Variants in CCDC136 observed in about 807,000 individuals in gnomAD.
The protein encoded by CCDC136 is coiled-coil domain containing 136.
In CCDC136, 100 loss-of-function variants were observed where a neutral mutation model predicts 141.2. The observed-to-expected ratio is 0.71, with a 90% CI of 0.60 to 0.84. CCDC136 has a LOEUF of 0.84. Among genes scored for constraint, CCDC136 ranks in the 40% least tolerant of loss-of-function variants. CCDC136 has a pLI of 0.00. For synonymous variants in CCDC136, 474 were observed against 531.9 expected (o/e 0.89, Z 1.50); for missense variants, 1,206 against 1,379.4 (o/e 0.87, Z 1.99).
In CCDC136 at chr7:128,822,006, A is replaced by G. The variant is rs772943933; in HGVS notation, c.*213A>G. 1.8e-5 allele frequency: 22 copies of G among 1,252,626 alleles called. No individual in the cohort carries two copies. The highest frequency in any genetic ancestry group is 3.9e-5 in the South Asian group (3 of 76,008). 77.6% of individuals were successfully genotyped at this position (1,252,626 alleles called of 1,614,324 possible). A position where few individuals can be genotyped will look rare whatever the true frequency, so the allele number is the denominator to read the frequency against. On this transcript the variant is annotated 3_prime_UTR_variant, in exon 18 of 18. Transcript: ENST00000297788. The stretch of plus-strand genomic sequence containing the variant: ...TGCCAGAACCCTCCCCATATGTTCC[A>G]TGTGTCCCCATCTCCTCAGCCTCAG...
intron 3 of CCDC136, among the ~76,000 whole-genome samples, chr7:128,798,042 C>T (rs111696074): frequency 6.8e-6 from 1 of 147,852 alleles, no homozygotes; most frequent in African/African-American, 2.5e-5. Flanking sequence ...CTCAGCCTCC[C>T]GAGTAGCTGA....
Position 128,805,703 on chromosome 7 carries a change from C to G in CCDC136, c.949-58C>G, listed in dbSNP as rs1287034364. ...GCGCCATGCTTTCCCCAAGCTTGTT[C>G]TTGGAGCATATGTGGTATCTGTAGT... On this transcript the variant is annotated intron_variant, in intron 6 of 17. Coordinates refer to ENST00000297788, the MANE Select transcript of CCDC136 (RefSeq NM_022742.5). The surrounding 1 kb of genome is among the most constrained non-coding windows in gnomAD (Gnocchi z 4.6). 1.9e-6 allele frequency: 3 copies of G among 1,599,600 alleles called. No homozygotes were observed. The highest frequency in any genetic ancestry group is 2.7e-5 in the African/African-American group (2 of 74,714).
intron 10 of CCDC136, 46 bp downstream of exon 10, chr7:128,807,591 G>C: frequency 1.5e-6 from 2 of 1,291,884 alleles, no homozygotes; most frequent in Non-Finnish European, 2.0e-6. Flanking sequence ...ACTTGCTCCA[G>C]AGAGAAGAGG....
chr7:128,800,036 A>G (rs757587365), intron 3 of CCDC136, among the ~76,000 whole-genome samples: 34 of 152,242 alleles, frequency 2.2e-4, no homozygotes, highest in Non-Finnish European at 4.1e-4. Context: ...ACCACATGTT[A>G]TCCCATACCT....
At chr7:128,801,159 G>A in intron 3 of CCDC136, 27 bp from the exon 4 acceptor site, 1 of 1,572,978 alleles carries the variant, frequency 6.4e-7, no homozygotes, top group Non-Finnish European at 8.7e-7. Context: ...CTGCCCTCTT[G>A]ATCATCTCAA....
chr7:128,809,617 A>T lies in CCDC136; in HGVS notation c.1773A>T (p.Pro591=), dbSNP rs571391351. The change falls in exon 11 of 18, where the codon CCA becomes CCT. Residue 591 remains proline (P), a synonymous_variant. Coordinates refer to ENST00000297788, the MANE Select transcript of CCDC136 (RefSeq NM_022742.5). ...AAGAGCTGCACAGGCTCACACTGCCACTGCCAAAGAGTGGCCTCTTACTCA... is the reference window on the plus strand; with the variant it reads ...AAGAGCTGCACAGGCTCACACTGCCTCTGCCAAAGAGTGGCCTCTTACTCA... The part of the protein sequence containing the change: ...LQEELHRLTL[P]LPKSGLLLKS... The T allele has an allele frequency of 3.2e-6, 5 of 1,549,578 alleles. No homozygotes were observed. The South Asian group carries it at 6.0e-5, about 19-fold the overall frequency.
At chr7:128,818,675 C>T (rs1337014951) in intron 17 of CCDC136, among the ~76,000 whole-genome samples, 2 of 152,182 alleles carry the variant, frequency 1.3e-5, no homozygotes, top group African/African-American at 4.8e-5. Context: ...GAAATCAAGA[C>T]TGATATATTC....
chr7:128,812,333 G>T (rs767348098), intron 13 of CCDC136, 21 bp downstream of exon 13: 3 of 1,602,584 alleles, frequency 1.9e-6, no homozygotes, highest in Non-Finnish European at 2.6e-6. Context: ...CCAGGTGACA[G>T]GTCAGGCAGG....
chr7:128,799,381 G>C (rs1005597441), intron 3 of CCDC136, among the ~76,000 whole-genome samples: 1 of 151,814 alleles, frequency 6.6e-6, no homozygotes, highest in African/African-American at 2.4e-5. Context: ...CAAATGTTTA[G>C]TTCTGTACAC....
At chr7:128,795,855 G>A (rs1468064197) in intron 3 of CCDC136, among the ~76,000 whole-genome samples, 1 of 152,174 alleles carries the variant, frequency 6.6e-6, no homozygotes, top group East Asian at 1.9e-4. Context: ...CCACATCTCT[G>A]CCCTAATGAA....
In CCDC136 at chr7:128,812,934, C is replaced by A. The variant is rs368771520; in HGVS notation, c.2763+5C>A. ...CCCCAGAACGACAAGAATGAGGTAA[C>A]CACTGTCAGGGAGGCAGGGTTTCCT... On this transcript the variant is annotated splice_donor_5th_base_variant and intron_variant, in intron 14 of 17. Coordinates refer to ENST00000297788, the MANE Select transcript of CCDC136 (RefSeq NM_022742.5). 6.3e-7 allele frequency: 1 copy of A among 1,594,014 alleles called. No homozygotes were observed. The highest frequency in any genetic ancestry group is 8.6e-7 in the Non-Finnish European group (1 of 1,168,964).
intron 4 of CCDC136, among the ~76,000 whole-genome samples, chr7:128,802,438 A>G (rs1383124594): frequency 6.6e-6 from 1 of 152,162 alleles, no homozygotes; most frequent in Non-Finnish European, 1.5e-5. Context: ...AGGTTGGCAC[A>G]GTGGGAAGGC....
chr7:128,812,680 G>A (rs958785132), intron 13 of CCDC136, 28 bp from the exon 14 acceptor site: 11 of 1,563,712 alleles, frequency 7.0e-6, no homozygotes, highest in Non-Finnish European at 9.6e-6. Flanking sequence ...TCCTCAGGGT[G>A]CTATTGTTGC....
At position 128,800,383 on chromosome 7, in the gene CCDC136, C is replaced by T. The variant is rs531268716; in HGVS notation, c.347-803C>T. Among the ~76,000 whole-genome samples the T allele has an allele frequency of 2.8e-4, 42 of 152,082 alleles. No homozygotes were observed. In the South Asian group the frequency reaches 3.3e-3, roughly 12 times the overall value. On this transcript the variant is annotated intron_variant, in intron 3 of 17. Transcript: ENST00000297788. ...TTGGCTCACAGCAACCTCTGCCTCCCGGGCTCAAATGATTCTCCTGTCTCA... is the reference window on the plus strand; with the variant it reads ...TTGGCTCACAGCAACCTCTGCCTCCTGGGCTCAAATGATTCTCCTGTCTCA...
rs375061729 is a variant in CCDC136 at position 128,812,878 on chromosome 7, G to A, written c.2712G>A (p.Glu904=). The part of the protein sequence containing the change: ...ELDACEREFK[E]CMECLEKPMA... ...ATGCCTGTGAAAGGGAGTTCAAGGA[G>A]TGCATGGAATGCCTTGAAAAGCCCA... Residue 904 remains glutamate, a synonymous_variant, in exon 14 of 18, where the codon GAG becomes GAA. Transcript: ENST00000297788. The A allele has an allele frequency of 1.2e-6, 2 of 1,612,814 alleles. No homozygotes were observed. The highest frequency in any genetic ancestry group is 1.7e-6 in the Non-Finnish European group (2 of 1,179,526).
intron 3 of CCDC136, among the ~76,000 whole-genome samples, chr7:128,796,737 ATATTCTTTTT>A (rs1803012379): frequency 8.4e-6 from 1 of 119,118 alleles, no homozygotes; most frequent in African/African-American, 4.3e-5. Context: ...ATATATATAT[ATATTCTTTTT>A]TTTTTTTTTT....
At position 128,812,224 on chromosome 7, in the gene CCDC136, A is replaced by G; in HGVS notation, c.2453A>G (p.Tyr818Cys). 1.2e-6 allele frequency: 2 copies of G among 1,613,990 alleles called. No homozygotes were observed. The highest frequency in any genetic ancestry group is 2.2e-5 in the East Asian group (1 of 44,886). Reference protein sequence around the residue: ...SNSSITYKKSYGSTSSSDTCQ... With the variant: ...SNSSITYKKSCGSTSSSDTCQ... ...AGCAGCATTACCTATAAGAAGAGTTACGGCAGCACCAGTAGCTCTGACACC... is the reference window on the plus strand; with the variant it reads ...AGCAGCATTACCTATAAGAAGAGTTGCGGCAGCACCAGTAGCTCTGACACC... The change falls in exon 13 of 18, where the codon TAC becomes TGC. Residue 818 changes from tyrosine to cysteine, a missense_variant. Tyr to Cys is a radical substitution (Grantham distance 194, BLOSUM62 -2). Transcript: ENST00000297788.
intron 16 of CCDC136, 121 bp downstream of exon 16, chr7:128,816,052 G>A: frequency 1.1e-6 from 1 of 922,094 alleles, no homozygotes; most frequent in South Asian, 1.8e-5. Flanking sequence ...CGCGCTCTAA[G>A]GCACAACCCT....
intron 4 of CCDC136, among the ~76,000 whole-genome samples, chr7:128,803,766 C>T (rs1378722749): frequency 1.3e-5 from 2 of 151,166 alleles, no homozygotes; most frequent in Non-Finnish European, 1.5e-5. Context: ...ATATGTGAGT[C>T]TGGTTAGGAT....
Sources: allele counts gnomAD v4.1 joint callset (sites outside exome capture counted in the v4.1 genomes callset), GRCh38; gene constraint gnomAD v4.1.1; non-coding constraint Gnocchi (gnomAD v3.1); transcripts MANE v1.5; gene names NCBI Gene and HGNC (gene_info 2026-07-23, HGNC 2026-07-21).